Variants in RAB28 observed in about 807,000 individuals in gnomAD.
RAB28 encodes ras-related protein Rab-28.
In RAB28, 24 loss-of-function variants were observed where a neutral mutation model predicts 31.7. The observed-to-expected ratio is 0.76, with a 90% CI of 0.55 to 1.06. The LOEUF (loss-of-function observed/expected upper bound fraction) is 1.06, where lower values mean the gene tolerates loss of function less well. Among genes scored for constraint, RAB28 ranks in the 50% least tolerant of loss-of-function variants. RAB28 has a pLI of 0.00. For missense variants in RAB28, 254 were observed against 258.5 expected, an observed-to-expected ratio of 0.98 and a Z score of 0.12; for synonymous variants, 100 against 90.4, an observed-to-expected ratio of 1.11 and a Z score of -0.60.
At chr4:13,468,971 AC>A (rs1715995050) in intron 3 of RAB28, among the ~76,000 whole-genome samples, 1 of 151,940 alleles carries the variant, frequency 6.6e-6, no homozygotes, top group South Asian at 2.1e-4. Flanking sequence ...AATAAAATGG[AC>A]CAAATCTTTA....
At chr4:13,452,483 T>C (rs888281921) in intron 4 of RAB28, among the ~76,000 whole-genome samples, 1 of 152,054 alleles carries the variant, frequency 6.6e-6, no homozygotes, top group Non-Finnish European at 1.5e-5. Context: ...CTTTCATTTC[T>C]TTCAAGAAAT....
intron 4 of RAB28, among the ~76,000 whole-genome samples, chr4:13,419,585 G>C (rs1163483737): frequency 1.3e-5 from 2 of 152,128 alleles, no homozygotes; most frequent in African/African-American, 2.4e-5. Flanking sequence ...TTAGAACTCA[G>C]GATTAAGAAA....
At chr4:13,462,499 A>T (rs951757239) in intron 3 of RAB28, among the ~76,000 whole-genome samples, 2 of 152,220 alleles carry the variant, frequency 1.3e-5, no homozygotes, top group African/African-American at 4.8e-5. Context: ...TAACTGGCTC[A>T]CAAAAACTGC....
intron 1 of RAB28, 83 bp downstream of exon 1, chr4:13,483,993 G>A (rs1276178947): frequency 7.5e-6 from 10 of 1,335,246 alleles, no homozygotes; most frequent in Admixed American, 6.0e-5. Context: ...GGGGTAACGA[G>A]GCGACGCCGG....
intron 6 of RAB28, among the ~76,000 whole-genome samples, chr4:13,373,642 G>C (rs777146468): frequency 6.6e-5 from 10 of 152,116 alleles, no homozygotes; most frequent in Non-Finnish European, 1.2e-4. Context: ...AGCTTGCAAA[G>C]TGTGTTGATA....
intron 4 of RAB28, among the ~76,000 whole-genome samples, chr4:13,398,260 T>C (rs969401450): frequency 3.3e-5 from 5 of 152,210 alleles, no homozygotes; most frequent in African/African-American, 1.2e-4. Flanking sequence ...ACTGTCTTTT[T>C]ATTTTATTCA....
At chr4:13,409,851 C>T (rs190379160) in intron 4 of RAB28, among the ~76,000 whole-genome samples, 1 of 152,130 alleles carries the variant, frequency 6.6e-6, no homozygotes, top group Non-Finnish European at 1.5e-5. Context: ...AGAAACAGGT[C>T]CCTGCCTGCT....
chr4:13,451,904 G>A (rs1055465190), intron 4 of RAB28, among the ~76,000 whole-genome samples: 5 of 151,920 alleles, frequency 3.3e-5, no homozygotes, highest in Admixed American at 1.3e-4. Flanking sequence ...CTGTAAATAT[G>A]TGAATCTATT....
chr4:13,389,623 C>G (rs189423421), intron 4 of RAB28, among the ~76,000 whole-genome samples: 1 of 152,100 alleles, frequency 6.6e-6, no homozygotes, highest in Non-Finnish European at 1.5e-5. Flanking sequence ...ATGACCAATC[C>G]TATTTCATCC....
intron 4 of RAB28, among the ~76,000 whole-genome samples, chr4:13,407,146 C>T (rs1046047266): frequency 5.3e-5 from 8 of 152,188 alleles, no homozygotes; most frequent in Admixed American, 2.6e-4. Flanking sequence ...TTAGGTCTAA[C>T]ATTTAAGTCT....
intron 6 of RAB28, among the ~76,000 whole-genome samples, chr4:13,369,480 C>A (rs1272805881): frequency 2.6e-5 from 4 of 151,986 alleles, no homozygotes; most frequent in African/African-American, 7.2e-5. Flanking sequence ...AGTCTGCACA[C>A]ACAAGCAGAC....
At chr4:13,449,572 T>C (rs1714860572) in intron 4 of RAB28, among the ~76,000 whole-genome samples, 2 of 152,070 alleles carry the variant, frequency 1.3e-5, no homozygotes, top group South Asian at 2.1e-4. Flanking sequence ...TGGGCAGAGA[T>C]AGTACTCCAA....
chr4:13,422,516 A>G (rs1214102193), intron 4 of RAB28, among the ~76,000 whole-genome samples: 1 of 152,188 alleles, frequency 6.6e-6, no homozygotes, highest in Non-Finnish European at 1.5e-5. Context: ...CATCAATGAT[A>G]GACCAGATTA....
intron 4 of RAB28, among the ~76,000 whole-genome samples, chr4:13,457,259 C>A (rs764203718): frequency 1.3e-5 from 2 of 152,016 alleles, no homozygotes; most frequent in African/African-American, 2.4e-5. Context: ...AATTGTATTG[C>A]CTTTTAATAT....
intron 2 of RAB28, among the ~76,000 whole-genome samples, chr4:13,475,165 A>G (rs1391020073): frequency 6.6e-6 from 1 of 151,652 alleles, no homozygotes; most frequent in African/African-American, 2.4e-5. Flanking sequence ...AGCATTGTAA[A>G]AGCATTCTAA....
At chr4:13,382,701 T>C in intron 4 of RAB28, among the ~76,000 whole-genome samples, 1 of 143,854 alleles carries the variant, frequency 7.0e-6, no homozygotes, top group South Asian at 2.3e-4. Context: ...GAATTTTTTT[T>C]TTTTTTTTTT....
intron 2 of RAB28, among the ~76,000 whole-genome samples, chr4:13,477,841 T>A (rs1716433762): frequency 6.6e-6 from 1 of 151,554 alleles, no homozygotes; most frequent in South Asian, 2.1e-4. Context: ...TCAAAATTTT[T>A]AAATTGGTAG....
At chr4:13,456,809 T>C (rs1002150811) in intron 4 of RAB28, among the ~76,000 whole-genome samples, 1 of 152,196 alleles carries the variant, frequency 6.6e-6, no homozygotes, top group African/African-American at 2.4e-5. Flanking sequence ...AATCTCTTCC[T>C]CTATTTGCCA....
chr4:13,477,433 T>C (rs898563629), intron 2 of RAB28, among the ~76,000 whole-genome samples: 22 of 151,752 alleles, frequency 1.4e-4, no homozygotes, highest in African/African-American at 2.6e-4. Flanking sequence ...TAATGTTTTA[T>C]TCAGCTAATG....
Sources: gnomAD v4.1 joint callset for allele counts (sites outside exome capture counted in the v4.1 genomes callset) on GRCh38, gnomAD v4.1.1 for gene constraint, MANE v1.5 for transcripts, NCBI Gene and HGNC (gene_info 2026-07-23, HGNC 2026-07-21) for gene names.